ADAMTS17: variants seen among roughly 807,000 people sequenced by gnomAD.
ADAMTS17 encodes ADAM metallopeptidase with thrombospondin type 1 motif 17.
Under a neutral mutation model 141.5 loss-of-function variants are expected in ADAMTS17, and 113 were observed. That is an observed-to-expected ratio of 0.80 (90% CI 0.69 to 0.93). ADAMTS17 has a LOEUF of 0.93. Among genes scored for constraint, ADAMTS17 ranks in the 40% least tolerant of loss-of-function variants. The pLI is 0.00. For missense variants in ADAMTS17, 1,659 were observed against 1,517.9 expected (o/e 1.09, Z -1.54); for synonymous variants, 768 against 630.6 (o/e 1.22, Z -3.27).
chr15:100,218,688 T>C (rs777749332), intron 7 of ADAMTS17, among the ~76,000 whole-genome samples: 2 of 152,206 alleles, frequency 1.3e-5, no homozygotes, highest in South Asian at 2.1e-4. Context: ...ATATTCAACC[T>C]AGAATTACCA....
chr15:100,116,306 T>C (rs28712092), intron 13 of ADAMTS17, among the ~76,000 whole-genome samples: 2 of 152,176 alleles, frequency 1.3e-5, no homozygotes, highest in Non-Finnish European at 2.9e-5. Context: ...CAGAGCCTCT[T>C]GATTCAGGAG....
At chr15:100,160,486 A>T (rs1016418822) in intron 8 of ADAMTS17, among the ~76,000 whole-genome samples, 1 of 152,230 alleles carries the variant, frequency 6.6e-6, no homozygotes, top group African/African-American at 2.4e-5. Flanking sequence ...CTTTCTCAGT[A>T]GACAACTTGG....
At chr15:100,173,018 T>C (rs751734143) in intron 8 of ADAMTS17, among the ~76,000 whole-genome samples, 2 of 152,126 alleles carry the variant, frequency 1.3e-5, no homozygotes, top group Non-Finnish European at 2.9e-5. Flanking sequence ...CCTGGAAGGC[T>C]TGGGAAAACT....
At position 100,171,230 on chromosome 15, in the gene ADAMTS17, C is replaced by T. The variant is rs531458465; in HGVS notation, c.1182-15910G>A. On this transcript the variant is annotated intron_variant, in intron 8 of 21. Coordinates refer to ENST00000268070, the MANE Select transcript of ADAMTS17 (RefSeq NM_139057.4). ...CCGATGGGACAGATGCTCTGGGCAG[C>T]AGACAGTGCAAGGACAGACTGCTTC... is the stretch of plus-strand genomic sequence containing the variant. 2.0e-5 allele frequency among the ~76,000 whole-genome samples: 3 copies of T among 152,336 alleles called. No individual in the cohort carries two copies. The South Asian group carries it at 6.2e-4, about 32-fold the overall frequency.
Position 99,997,348 on chromosome 15 carries a change from C to A in ADAMTS17, c.2796+37G>T. The A allele has an allele frequency of 6.2e-7, 1 of 1,611,996 alleles. No individual in the cohort carries two copies. Among genetic ancestry groups the A allele is most frequent in the South Asian group, 1.1e-5 (1 of 91,052 alleles). On this transcript the variant is annotated intron_variant, in intron 19 of 21. Coordinates refer to ENST00000268070, the MANE Select transcript of ADAMTS17 (RefSeq NM_139057.4). This position sits in a 1 kb window ranked among gnomAD's most constrained non-coding sequence, Gnocchi z 4.7. ...ATACCATGGCACCGTGTTGGAGTCC[C>A]TGTGGCTGAGTCCTGGTGGCAAGCC...
In ADAMTS17 at chr15:99,971,798, G is replaced by A. The variant is rs1291862914; in HGVS notation, c.*2604C>T. ...CTGGTAACACGTGCGTTAGTGACAC[G>A]TGTGCAAGCACAAAGGTACAGTACT... On this transcript the variant is annotated 3_prime_UTR_variant, in exon 22 of 22. Transcript: ENST00000268070. 5 of 152,062 alleles carry A rather than the reference G, an allele frequency of 3.3e-5. No homozygotes were observed. Among genetic ancestry groups the A allele is most frequent in the Admixed American group, 2.0e-4 (3 of 15,276 alleles). The allele number at this position is 152,062 out of a possible 1,614,324, so 9.4% of individuals were successfully genotyped here. A position where few individuals can be genotyped will look rare whatever the true frequency, so the allele number is the denominator to read the frequency against.
In ADAMTS17 at chr15:100,026,051, A is replaced by G. The variant is rs184621369; in HGVS notation, c.2591+22806T>C. Among the ~76,000 whole-genome samples the G allele has an allele frequency of 2.0e-5, 3 of 152,324 alleles. No homozygotes were observed. The East Asian group carries it at 5.8e-4, about 29-fold the overall frequency. ...AGAAAAGGAACATTACCAGAACCTCAGAAGGCCTCCTCATACTCAGTTATG... is the reference window on the plus strand; with the variant it reads ...AGAAAAGGAACATTACCAGAACCTCGGAAGGCCTCCTCATACTCAGTTATG... On this transcript the variant is annotated intron_variant, in intron 18 of 21. Transcript: ENST00000268070.
chr15:100,133,062 G>C, intron 11 of ADAMTS17, 152 bp downstream of exon 11: 1 of 649,814 alleles, frequency 1.5e-6, no homozygotes, highest in Non-Finnish European at 2.7e-6. Flanking sequence ...GCACCACTCT[G>C]TGCCCGGAGT....
At chr15:100,291,664 A>C (rs1199380431) in intron 3 of ADAMTS17, among the ~76,000 whole-genome samples, 2 of 152,234 alleles carry the variant, frequency 1.3e-5, no homozygotes, top group East Asian at 3.8e-4. Context: ...ACAGCCATAA[A>C]AAAGAATGAG....
chr15:100,023,091 C>T (rs1257490071), intron 18 of ADAMTS17, among the ~76,000 whole-genome samples: 2 of 152,202 alleles, frequency 1.3e-5, no homozygotes, highest in Non-Finnish European at 2.9e-5. Flanking sequence ...GGCTGGCTGC[C>T]ATTCTGCCTT....
At chr15:100,068,963 G>A (rs2033764609) in intron 15 of ADAMTS17, among the ~76,000 whole-genome samples, 1 of 152,194 alleles carries the variant, frequency 6.6e-6, no homozygotes, top group Non-Finnish European at 1.5e-5. Context: ...GGAGGAAGTT[G>A]AAACCTATGG....
At chr15:100,293,761 G>T (rs896892734) in intron 3 of ADAMTS17, among the ~76,000 whole-genome samples, 2 of 152,158 alleles carry the variant, frequency 1.3e-5, no homozygotes, top group Non-Finnish European at 2.9e-5. Context: ...ATTAACCTTT[G>T]GACCTATCCC....
intron 12 of ADAMTS17, among the ~76,000 whole-genome samples, chr15:100,118,151 A>G (rs768461038): frequency 2.0e-5 from 3 of 152,204 alleles, no homozygotes; most frequent in African/African-American, 4.8e-5. Flanking sequence ...GATAGTGAAT[A>G]TTTTTGGTTT....
intron 10 of ADAMTS17, among the ~76,000 whole-genome samples, chr15:100,133,616 A>C (rs2038172596): frequency 6.6e-6 from 1 of 152,176 alleles, no homozygotes; most frequent in Non-Finnish European, 1.5e-5. Flanking sequence ...GGCCAGGAGC[A>C]GCAGCCCCTG....
At chr15:100,261,016 T>C (rs568241266) in intron 6 of ADAMTS17, among the ~76,000 whole-genome samples, 2 of 152,186 alleles carry the variant, frequency 1.3e-5, no homozygotes, top group South Asian at 2.1e-4. Context: ...AAAAATGATA[T>C]AGCCACATCG....
intron 7 of ADAMTS17, among the ~76,000 whole-genome samples, chr15:100,230,818 T>TATCTTAGCAGGAGAAGCAAA (rs11276213): frequency 0.53 from 80,833 of 152,000 alleles, 22,169 homozygotes; most frequent in Non-Finnish European, 0.61. Context: ...TTCGGAAACA[T>TATCTTAGCAGGAGAAGCAAA]GTCCACTGTT....
At chr15:100,027,106 C>T (rs2061530155) in intron 18 of ADAMTS17, among the ~76,000 whole-genome samples, 1 of 152,204 alleles carries the variant, frequency 6.6e-6, no homozygotes, top group African/African-American at 2.4e-5. Context: ...TGCAGAAGTA[C>T]TCATACCTTT....
At chr15:100,225,805 C>T (rs2042287481) in intron 7 of ADAMTS17, among the ~76,000 whole-genome samples, 1 of 148,336 alleles carries the variant, frequency 6.7e-6, no homozygotes, top group African/African-American at 2.5e-5. Context: ...CCTCTGTGCC[C>T]ACTCTGTCCT....
chr15:100,265,155 G>A (rs55796688), intron 4 of ADAMTS17, among the ~76,000 whole-genome samples: 5,748 of 152,190 alleles, frequency 0.038, 167 homozygotes, highest in Non-Finnish European at 0.061. Context: ...GCCAGGTGCC[G>A]ACCACAGGCT....
Sources: gnomAD v4.1 joint callset for allele counts (sites outside exome capture counted in the v4.1 genomes callset) on GRCh38, gnomAD v4.1.1 for gene constraint, Gnocchi (gnomAD v3.1) non-coding constraint, MANE v1.5 for transcripts, NCBI Gene and HGNC (gene_info 2026-07-23, HGNC 2026-07-21) for gene names.